CCT6B: variants seen among roughly 807,000 people sequenced by gnomAD.
CCT6B encodes probable T-complex protein 1 subunit zeta-2.
Under a neutral mutation model 61.5 loss-of-function variants are expected in CCT6B, and 49 were observed. That is an observed-to-expected ratio of 0.80 (90% CI 0.63 to 1.01). CCT6B has a LOEUF of 1.01. CCT6B is among the 50% of genes least tolerant of loss of function. CCT6B has a pLI of 0.00. For missense variants in CCT6B, 666 were observed against 634.7 expected (o/e 1.05, Z -0.53); for synonymous variants, 228 against 214.5 (o/e 1.06, Z -0.55).
At chr17:34,935,220 G>A (rs1380533331) in intron 10 of CCT6B, among the ~76,000 whole-genome samples, 1 of 152,126 alleles carries the variant, frequency 6.6e-6, no homozygotes, top group African/African-American at 2.4e-5. Context: ...ACAGAAAGTA[G>A]AATGGTGGTT....
At chr17:34,951,862 G>T in intron 5 of CCT6B, 88 bp downstream of exon 5, 1 of 598,138 alleles carries the variant, frequency 1.7e-6, no homozygotes. Context: ...ATATATTTAT[G>T]TTGAATAAAA....
chr17:34,958,638 G>A lies in CCT6B; in HGVS notation c.258C>T (p.Asp86=), dbSNP rs745836776. The A allele has an allele frequency of 8.7e-6, 14 of 1,604,350 alleles. No individual in the cohort carries two copies. The highest frequency in any genetic ancestry group is 4.0e-5 in the African/African-American group (3 of 74,618). ...TTGAAGTAGTACCATCTCCTGTGAC[G>A]TCATCCTGAGCTGTTGCTACTTTTG... is the stretch of plus-strand genomic sequence containing the variant. ...LIAKVATAQD[D]VTGDGTTSNV... Residue 86 remains aspartate, a synonymous_variant, in exon 3 of 14, where the codon GAC becomes GAT. Transcript: ENST00000314144.
At chr17:34,951,205 A>C (rs576439672) in intron 5 of CCT6B, among the ~76,000 whole-genome samples, 1 of 152,332 alleles carries the variant, frequency 6.6e-6, no homozygotes, top group South Asian at 2.1e-4. Context: ...TAAACTGGAA[A>C]TGTGATAGTA....
intron 5 of CCT6B, among the ~76,000 whole-genome samples, chr17:34,945,026 T>C (rs985281076): frequency 2.0e-5 from 3 of 152,284 alleles, no homozygotes; most frequent in African/African-American, 4.8e-5. Flanking sequence ...CAGCTGATTA[T>C]TGTCTCCTTG....
At chr17:34,937,287 A>T (rs2090105338) in intron 10 of CCT6B, among the ~76,000 whole-genome samples, 1 of 152,228 alleles carries the variant, frequency 6.6e-6, no homozygotes, top group African/African-American at 2.4e-5. Flanking sequence ...ACTTAAAAAA[A>T]AAATGAGAGT....
At chr17:34,934,039 GGA>G (rs1443345627) in intron 10 of CCT6B, among the ~76,000 whole-genome samples, 1 of 151,724 alleles carries the variant, frequency 6.6e-6, no homozygotes, top group Non-Finnish European at 1.5e-5. Context: ...TAAGGTGGGA[GGA>G]CTGCCTGAGC....
In CCT6B at chr17:34,961,287, G is replaced by C; in HGVS notation, c.107C>G (p.Thr36Ser). ...CATGGTGCCTTTAGGACCCAAGTTG[G>C]TCCGCAGCACATCCTGCAGCCCTCG... The part of the protein sequence containing the change: ...AARGLQDVLR[T>S]NLGPKGTMKM... The change falls in exon 1 of 14, where the codon ACC becomes AGC. Residue 36 changes from threonine to serine, a missense_variant. Thr to Ser is a moderately conservative substitution (Grantham distance 58, BLOSUM62 1). Transcript: ENST00000314144. The C allele has an allele frequency of 6.2e-7, 1 of 1,612,226 alleles. No homozygotes were observed. Among genetic ancestry groups the C allele is most frequent in the Non-Finnish European group, 8.5e-7 (1 of 1,179,562 alleles).
Position 34,954,469 on chromosome 17 carries a change from A to C in CCT6B, c.467T>G (p.Leu156Ter), listed in dbSNP as rs141847000. ...KILLDVARTS[L>*]QTKVHAELAD... ...CAGTTCAGCATGAACTTTAGTTTGT[A>C]ATGATGTTCTAGCTACATCTAAGAG... Residue 156 changes from leucine (L) to a stop codon, truncating the protein, a stop_gained, in exon 4 of 14, where the codon TTA becomes TGA. Transcript: ENST00000314144. LOFTEE classifies it high-confidence loss of function. The C allele has an allele frequency of 1.7e-4, 278 of 1,612,712 alleles. No homozygotes were observed. The highest frequency in any genetic ancestry group is 2.2e-4 in the Non-Finnish European group (265 of 1,179,536).
intron 3 of CCT6B, among the ~76,000 whole-genome samples, chr17:34,956,401 C>T (rs1567673743): frequency 6.6e-6 from 1 of 152,164 alleles, no homozygotes; most frequent in African/African-American, 2.4e-5. Flanking sequence ...AGAGTTCTTC[C>T]TGACTACTTC....
At position 34,945,537 on chromosome 17, in the gene CCT6B, C is replaced by T. The variant is rs73283032; in HGVS notation, c.615-2631G>A. Among the ~76,000 whole-genome samples the T allele has an allele frequency of 3.0e-3, 453 of 152,272 alleles. 3 individuals are homozygous for T. Among genetic ancestry groups the T allele is most frequent in the African/African-American group, 0.01 (432 of 41,550 alleles). Reference sequence around the variant, plus strand: ...GTTGAACCCTCAACAAATCCTATTGCCCTTTCCTTCTAAGTACATCCTAAT... The same window carrying T: ...GTTGAACCCTCAACAAATCCTATTGTCCTTTCCTTCTAAGTACATCCTAAT... On this transcript the variant is annotated intron_variant, in intron 5 of 13. Transcript: ENST00000314144.
intron 5 of CCT6B, chr17:34,943,973 G>C (rs1037354904): frequency 6.6e-6 from 1 of 151,804 alleles, no homozygotes; most frequent in Non-Finnish European, 1.5e-5. Flanking sequence ...AAAACATTCA[G>C]GGGATGGAAT....
At chr17:34,942,320 A>G (rs2142154277) in intron 7 of CCT6B, among the ~76,000 whole-genome samples, 164 bp downstream of exon 7, 1 of 152,300 alleles carries the variant, frequency 6.6e-6, no homozygotes, top group Admixed American at 6.5e-5. Context: ...CATCATTGCA[A>G]ATGTCAACAC....
At chr17:34,933,237 A>C (rs2090056704) in intron 10 of CCT6B, among the ~76,000 whole-genome samples, 2 of 152,196 alleles carry the variant, frequency 1.3e-5, no homozygotes, top group Admixed American at 1.3e-4. Flanking sequence ...ACTGCAGCAG[A>C]ACTCAAACTG....
intron 3 of CCT6B, among the ~76,000 whole-genome samples, chr17:34,957,064 C>A (rs1424560081): frequency 6.6e-6 from 1 of 152,138 alleles, no homozygotes; most frequent in Non-Finnish European, 1.5e-5. Context: ...CTGCCTCAGC[C>A]TCCCAAAGTG....
Position 34,947,758 on chromosome 17 carries a change from G to T in CCT6B, c.614+4192C>A, listed in dbSNP as rs546705055. Among the ~76,000 whole-genome samples, 153 of 152,198 alleles carry T rather than the reference G, an allele frequency of 1.0e-3. 4 individuals carry two copies. Among genetic ancestry groups the T allele is most frequent in the Non-Finnish European group, 2.9e-5 (2 of 67,994 alleles). On this transcript the variant is annotated intron_variant, in intron 5 of 13. Coordinates refer to ENST00000314144, the MANE Select transcript of CCT6B (RefSeq NM_006584.4). ...GCACTTTGGGAGGCCAAGGTAGGTG[G>T]ATTGCTTGATGTCAGGAGTTCAAAA...
At chr17:34,941,461 C>T (rs534257944) in intron 7 of CCT6B, among the ~76,000 whole-genome samples, 56 of 152,298 alleles carry the variant, frequency 3.7e-4, no homozygotes, top group Non-Finnish European at 6.6e-4. Flanking sequence ...TCAGGAAAGT[C>T]TTTTAAGTAT....
chr17:34,956,153 C>T (rs2090345314), intron 3 of CCT6B, among the ~76,000 whole-genome samples: 1 of 152,178 alleles, frequency 6.6e-6, no homozygotes, highest in South Asian at 2.1e-4. Flanking sequence ...ACTACATGCC[C>T]TCTGATCTGG....
At chr17:34,939,850 T>C in intron 8 of CCT6B, 137 bp from the exon 9 acceptor site, 1 of 631,910 alleles carries the variant, frequency 1.6e-6, no homozygotes, top group Non-Finnish European at 2.9e-6. Context: ...TCTAATAAAA[T>C]TGTCTATATT....
In CCT6B at chr17:34,927,926, C is replaced by T. The variant is rs976376685; in HGVS notation, c.*122G>A. 1.9e-5 allele frequency: 11 copies of T among 583,798 alleles called. No homozygotes were observed. The highest frequency in any genetic ancestry group is 8.9e-5 in the South Asian group (3 of 33,682). 36.2% of individuals were successfully genotyped at this position (583,798 alleles called of 1,614,324 possible). A position where few individuals can be genotyped will look rare whatever the true frequency, so the allele number is the denominator to read the frequency against. On this transcript the variant is annotated 3_prime_UTR_variant, in exon 14 of 14. Transcript: ENST00000314144. Reference sequence around the variant, plus strand: ...GAAATATTTTTGAGACTATTAAGACCCAAAAGACATAAACTGCATTTATTG... The same window carrying T: ...GAAATATTTTTGAGACTATTAAGACTCAAAAGACATAAACTGCATTTATTG...
Sources: gnomAD v4.1 joint callset for allele counts (sites outside exome capture counted in the v4.1 genomes callset) on GRCh38, gnomAD v4.1.1 for gene constraint, MANE v1.5 for transcripts, NCBI Gene and HGNC (gene_info 2026-07-23, HGNC 2026-07-21) for gene names.